ACTN3: variants seen among roughly 807,000 people sequenced by gnomAD.
ACTN3 encodes actinin alpha 3.
A neutral mutation model predicts 119.6 loss-of-function variants in ACTN3; 91 were observed. The ratio of observed to expected loss-of-function variants is 0.76; its 90% confidence interval spans 0.64 to 0.91. The LOEUF is 0.91. ACTN3 is among the 40% of genes least tolerant of loss of function. The pLI, the probability that ACTN3 is intolerant of heterozygous loss-of-function variation, is 0.00. For missense variants in ACTN3, 1,221 were observed against 1,215.1 expected, an observed-to-expected ratio of 1.00 and a Z score of -0.07; for synonymous variants, 456 against 478.8, an observed-to-expected ratio of 0.95 and a Z score of 0.62.
rs201937354 is a variant in ACTN3, at chr11:66,547,043, G to C, written c.106G>C (p.Asp36His). 6.7e-4 allele frequency: 1,010 copies of C among 1,511,952 alleles called. 9 individuals carry two copies. The East Asian group carries it at 0.011, about 17-fold the overall frequency. The allele number at this position is 1,511,952 out of a possible 1,614,324, so 93.7% of individuals were successfully genotyped here. A position where few individuals can be genotyped will look rare whatever the true frequency, so the allele number is the denominator to read the frequency against. ...YMEQEEDWDR[D>H]LLLDPAWEKQ... ...GGAACAGGAGGAGGACTGGGACCGC[G>C]ACCTGCTGCTGGACCCGGCCTGGGA... Residue 36 changes from aspartate (D) to histidine (H), a missense_variant, in exon 1 of 21, where the codon GAC (aspartate) becomes CAC (histidine). By Grantham distance (81) the Asp-to-His change is moderately conservative. Around this residue, in one of 3 missense-constraint regions of ACTN3, gnomAD observed 239 missense variants for 231.8 expected, o/e 1.03. Transcript: ENST00000513398.
chr11:66,558,237 A>G, intron 11 of ACTN3, 63 bp downstream of exon 11: 2 of 1,590,200 alleles, frequency 1.3e-6, no homozygotes, highest in Non-Finnish European at 1.7e-6. Flanking sequence ...GTGCAGGGGC[A>G]GGAGGGGAGG....
In ACTN3 at chr11:66,562,698, C is replaced by T. The variant is rs376803666; in HGVS notation, c.2389-98C>T. ...GAAGGGAACTCCCTTGTTACTGGGG[C>T]TCTGCTAGCTGAGGTTGGACAGTCC... On this transcript the variant is annotated intron_variant, in intron 19 of 20. Coordinates refer to ENST00000513398, the MANE Select transcript of ACTN3 (RefSeq NM_001104.4). The T allele has an allele frequency of 7.7e-4, 1,032 of 1,343,292 alleles. 17 individuals are homozygous for T. The South Asian group carries it at 0.013, about 18-fold the overall frequency. The allele number at this position is 1,343,292 out of a possible 1,614,324, so 83.2% of individuals were successfully genotyped here.
In ACTN3 at chr11:66,555,162, T is replaced by G. The variant is rs894052808; in HGVS notation, c.590T>G (p.Ile197Ser). The G allele has an allele frequency of 4.3e-6, 7 of 1,613,924 alleles. No homozygotes were observed. Among genetic ancestry groups the G allele is most frequent in the Non-Finnish European group, 3.4e-6 (4 of 1,179,978 alleles). ...WKDGLALCAL[I>S]HRHRPDLIDY... ...GATGGCCTGGCCCTCTGTGCCCTCA[T>G]CCACCGACACCGCCCTGACCTCATC... The change falls in exon 6 of 21, where the codon ATC becomes AGC. Residue 197 changes from isoleucine to serine, a missense_variant. By Grantham distance (142) the Ile-to-Ser change is moderately radical. Around this residue, in one of 3 missense-constraint regions of ACTN3, gnomAD observed 48 missense variants for 83.4 expected, o/e 0.58. Coordinates refer to ENST00000513398, the MANE Select transcript of ACTN3 (RefSeq NM_001104.4).
At chr11:66,554,753 T>C in intron 5 of ACTN3, 130 bp downstream of exon 5, 2 of 743,604 alleles carry the variant, frequency 2.7e-6, no homozygotes, top group Non-Finnish European at 4.3e-6. Flanking sequence ...AAGGTCACAG[T>C]TCCTGGAACA....
Position 66,551,227 on chromosome 11 carries a change from C to T in ACTN3, c.148-12C>T. On this transcript the variant is annotated splice_polypyrimidine_tract_variant and intron_variant, in intron 1 of 20. Transcript: ENST00000513398. Reference sequence around the variant, plus strand: ...CCAGTCGTAGGGTTTGAGTGCTGTCCTCTGCCCCTAGACCTTCACTGCCTG... The same window carrying T: ...CCAGTCGTAGGGTTTGAGTGCTGTCTTCTGCCCCTAGACCTTCACTGCCTG... 2 of 1,594,104 alleles carry T rather than the reference C, an allele frequency of 1.3e-6. No homozygotes were observed. The highest frequency in any genetic ancestry group is 1.7e-6 in the Non-Finnish European group (2 of 1,168,042).
At position 66,562,127 on chromosome 11, in the gene ACTN3, C is replaced by A. The variant is rs1490104628; in HGVS notation, c.2281C>A (p.Gln761Lys). The A allele has an allele frequency of 6.2e-7, 1 of 1,614,080 alleles. No individual in the cohort carries two copies. Among genetic ancestry groups the A allele is most frequent in the Non-Finnish European group, 8.5e-7 (1 of 1,179,978 alleles). Residue 761 changes from glutamine (Q) to lysine (K), a missense_variant, in exon 18 of 21, where the codon CAG becomes AAG. This residue lies in a region of ACTN3 where 934 missense variants were observed against 899.9 expected (regional missense o/e 1.04). Coordinates refer to ENST00000513398, the MANE Select transcript of ACTN3 (RefSeq NM_001104.4). The part of the protein sequence containing the change: ...TRDAKGLSQE[Q>K]LNEFRASFNH... ...AGACGCCAAGGGACTGAGCCAGGAG[C>A]AGCTCAACGAGTTCCGAGCATCCTT... is the stretch of plus-strand genomic sequence containing the variant.
intron 11 of ACTN3, 60 bp downstream of exon 11, chr11:66,558,234 G>C (rs1276681890): frequency 6.3e-7 from 1 of 1,593,162 alleles, no homozygotes; most frequent in Non-Finnish European, 8.5e-7. Context: ...GGTGTGCAGG[G>C]GCAGGAGGGG....
chr11:66,559,086 A>C, intron 11 of ACTN3, 150 bp from the exon 12 acceptor site: 1 of 784,884 alleles, frequency 1.3e-6, no homozygotes, highest in Non-Finnish European at 1.8e-6. Context: ...CACCTACGTT[A>C]TTACACCGAC....
upstream of ACTN3, chr11:66,546,817 G>A: frequency 6.5e-7 from 1 of 1,528,938 alleles, no homozygotes; most frequent in Non-Finnish European, 8.7e-7. Context: ...CCCCCATCCG[G>A]CCCCTCCCTC....
In ACTN3 at chr11:66,557,804, CGT is replaced by C. The variant is rs1857626179; in HGVS notation, c.1004_1005del (p.Arg335ProfsTer58). On this transcript the variant is annotated frameshift_variant, in exon 10 of 21. Coordinates refer to ENST00000513398, the MANE Select transcript of ACTN3 (RefSeq NM_001104.4). LOFTEE classifies it high-confidence loss of function. ...ACTAGAGGACTTTCGGGACTACCGG[CGT>C]CTGCACAAGCCGCCCCGCATTCAGG... ...RKLEDFRDYR[R>X]LHKPPRIQEK... 6.2e-7 allele frequency: 1 copy of C among 1,613,874 alleles called. No individual in the cohort carries two copies. Among genetic ancestry groups the C allele is most frequent in the Non-Finnish European group, 8.5e-7 (1 of 1,179,950 alleles).
At position 66,561,285 on chromosome 11, in the gene ACTN3, A is replaced by T. The variant is rs757442638; in HGVS notation, c.1919A>T (p.Gln640Leu). 2 of 1,607,112 alleles carry T rather than the reference A, an allele frequency of 1.2e-6. No individual in the cohort carries two copies. The highest frequency in any genetic ancestry group is 4.5e-5 in the East Asian group (2 of 44,670). The change falls in exon 16 of 21, where the codon CAG (glutamine) becomes CTG (leucine). Residue 640 changes from glutamine to leucine, a missense_variant. Gln to Leu is a moderately radical substitution (Grantham distance 113, BLOSUM62 -2). This residue lies in a region of ACTN3 where 934 missense variants were observed against 899.9 expected (regional missense o/e 1.04). Coordinates refer to ENST00000513398, the MANE Select transcript of ACTN3 (RefSeq NM_001104.4). ...QTLQEELARQ[Q>L]VNERLRRQFA... ...CTGCAGGAGGAGCTGGCACGGCAGC[A>T]GGTAAACGAGAGGCTCCGGCGACAG...
intron 11 of ACTN3, 169 bp downstream of exon 11, chr11:66,558,343 G>C: frequency 1.8e-6 from 1 of 556,178 alleles, no homozygotes; most frequent in Non-Finnish European, 2.3e-6. Context: ...GTGCAACCTA[G>C]GCCTCTCTTT....
rs1238189973 is a variant in ACTN3, at chr11:66,561,642, G to A, written c.2175+5G>A. The A allele has an allele frequency of 6.2e-7, 1 of 1,609,680 alleles. No homozygotes were observed. Among genetic ancestry groups the A allele is most frequent in the South Asian group, 1.1e-5 (1 of 90,218 alleles). On this transcript the variant is annotated splice_donor_5th_base_variant and intron_variant, in intron 17 of 20. Transcript: ENST00000513398. Reference sequence around the variant, plus strand: ...CACACCGTCTACAGCATGGAGGTGGGATCACACCCTCTCAGGAGAGTGGGG... The same window carrying A: ...CACACCGTCTACAGCATGGAGGTGGAATCACACCCTCTCAGGAGAGTGGGG...
chr11:66,561,392 G>A, intron 16 of ACTN3, 31 bp downstream of exon 16: 1 of 1,607,516 alleles, frequency 6.2e-7, no homozygotes, highest in South Asian at 1.1e-5. Flanking sequence ...TCCAACCTGG[G>A]GGGATGGGGC....
chr11:66,563,290 A>G lies in ACTN3; in HGVS notation c.*97A>G. ...GGAGCAAGGGCCTAAGAGAAAAGCC[A>G]GCCAAGTGCTTCTGAATAAAGATCC... On this transcript the variant is annotated 3_prime_UTR_variant, in exon 21 of 21. Coordinates refer to ENST00000513398, the MANE Select transcript of ACTN3 (RefSeq NM_001104.4). The G allele has an allele frequency of 7.1e-7, 1 of 1,414,338 alleles. No homozygotes were observed. Among genetic ancestry groups the G allele is most frequent in the Non-Finnish European group, 9.4e-7 (1 of 1,062,984 alleles). 87.6% of individuals were successfully genotyped at this position (1,414,338 alleles called of 1,614,324 possible). A position where few individuals can be genotyped will look rare whatever the true frequency, so the allele number is the denominator to read the frequency against.
Position 66,562,866 on chromosome 11 carries a change from C to G in ACTN3, c.2459C>G (p.Ala820Gly). The G allele has an allele frequency of 6.2e-7, 1 of 1,613,770 alleles. No homozygotes were observed. Among genetic ancestry groups the G allele is most frequent in the South Asian group, 1.1e-5 (1 of 91,068 alleles). The change falls in exon 20 of 21, where the codon GCC (alanine) becomes GGC (glycine). Residue 820 changes from alanine to glycine, a missense_variant. By Grantham distance (60) the Ala-to-Gly change is moderately conservative. This residue lies in a region of ACTN3 where 934 missense variants were observed against 899.9 expected (regional missense o/e 1.04). Transcript: ENST00000513398. ...GCAGCTGGGGTGGTGACCTTCCAGG[C>G]CTTCATAGACTTCATGACCCGAGAG... is the stretch of plus-strand genomic sequence containing the variant. ...PNAAGVVTFQAFIDFMTRETA... is the reference protein window; with the variant it reads ...PNAAGVVTFQGFIDFMTRETA...
chr11:66,551,410 AG>A, intron 2 of ACTN3, 57 bp downstream of exon 2: 1 of 1,567,300 alleles, frequency 6.4e-7, no homozygotes, highest in Non-Finnish European at 8.7e-7. Flanking sequence ...TCTGGACAGC[AG>A]GGGGAATAGG....
Position 66,554,149 on chromosome 11 carries a change from A to C in ACTN3, c.469+18A>C. The C allele has an allele frequency of 3.7e-6, 6 of 1,612,018 alleles. No individual in the cohort carries two copies. The highest frequency in any genetic ancestry group is 5.1e-6 in the Non-Finnish European group (6 of 1,178,252). On this transcript the variant is annotated intron_variant, in intron 4 of 20. Transcript: ENST00000513398. ...TGTGGAAGGTGAGCAATGGGAAAGGAGGTTGGGGCCAGGTGCAGTGGCTGG... is the reference window on the plus strand; with the variant it reads ...TGTGGAAGGTGAGCAATGGGAAAGGCGGTTGGGGCCAGGTGCAGTGGCTGG...
chr11:66,556,482 C>T (rs1214144049), intron 8 of ACTN3, among the ~76,000 whole-genome samples: 2 of 152,236 alleles, frequency 1.3e-5, no homozygotes, highest in African/African-American at 4.8e-5. Flanking sequence ...CAGAGTCTCA[C>T]TCTGTCATCC....
Sources: allele counts gnomAD v4.1 joint callset (sites outside exome capture counted in the v4.1 genomes callset), GRCh38; gene constraint gnomAD v4.1.1; regional missense constraint gnomAD v4.1.1; transcripts MANE v1.5; gene names NCBI Gene and HGNC (gene_info 2026-07-23, HGNC 2026-07-21).